Variants in ESR1 observed in about 807,000 individuals in gnomAD.
ESR1 encodes the protein estrogen receptor.
In ESR1, 12 loss-of-function variants were observed where a neutral mutation model predicts 52.7. That is an observed-to-expected ratio of 0.23 (90% CI 0.15 to 0.37). ESR1 has a LOEUF of 0.37. ESR1 is among the 10% of genes least tolerant of loss of function. ESR1 has a pLI of 1.00. For missense variants in ESR1, 584 were observed against 779.7 expected, an observed-to-expected ratio of 0.75 and a Z score of 2.99; for synonymous variants, 305 against 316.8, an observed-to-expected ratio of 0.96 and a Z score of 0.39.
chr6:151,722,324 A>G (rs1781517915), intron 2 of ESR1, among the ~76,000 whole-genome samples: 1 of 152,220 alleles, frequency 6.6e-6, no homozygotes, highest in Non-Finnish European at 1.5e-5. Context: ...GTCCTTGAAC[A>G]GGGAAGAAAC....
chr6:151,799,126 A>G (rs1776987293), intron 2 of ESR1, among the ~76,000 whole-genome samples: 2 of 152,222 alleles, frequency 1.3e-5, no homozygotes, highest in African/African-American at 4.8e-5. Flanking sequence ...AGCAAGGCCC[A>G]CACTAAAAGT....
intron 3 of ESR1, among the ~76,000 whole-genome samples, chr6:151,888,611 A>C (rs944166342): frequency 1.0e-4 from 15 of 149,630 alleles, no homozygotes; most frequent in African/African-American, 3.4e-4. Context: ...TCATGTCATC[A>C]GCAAACACGG....
intron 2 of ESR1, among the ~76,000 whole-genome samples, chr6:151,751,914 C>T (rs955186607): frequency 6.6e-6 from 1 of 152,096 alleles, no homozygotes; most frequent in Non-Finnish European, 1.5e-5. Context: ...GATACATTAC[C>T]GAAATATTTT....
chr6:151,876,950 G>A (rs1463612333), intron 2 of ESR1, among the ~76,000 whole-genome samples: 2 of 151,026 alleles, frequency 1.3e-5, no homozygotes, highest in Non-Finnish European at 2.9e-5. Flanking sequence ...CATACATCGA[G>A]TCCTGTCTTT....
At chr6:152,072,056 A>T (rs894948593) in intron 6 of ESR1, among the ~76,000 whole-genome samples, 13 of 150,292 alleles carry the variant, frequency 8.6e-5, no homozygotes, top group African/African-American at 2.7e-4. Flanking sequence ...GAGACAGAGG[A>T]GAGTTATGGA....
At chr6:152,011,571 T>C in intron 4 of ESR1, 85 bp from the exon 5 acceptor site, 1 of 1,490,828 alleles carries the variant, frequency 6.7e-7, no homozygotes, top group Admixed American at 1.7e-5. Context: ...ATAGACCTTG[T>C]CAGTTCAAAT....
At chr6:151,818,208 G>A (rs778380454) in intron 1 of ESR1, among the ~76,000 whole-genome samples, 9 of 152,236 alleles carry the variant, frequency 5.9e-5, no homozygotes, top group East Asian at 1.9e-4. Flanking sequence ...CCTCAAGCCC[G>A]CTCATTTCCT....
chr6:151,822,973 G>C (rs989188878), intron 1 of ESR1, among the ~76,000 whole-genome samples: 2 of 152,194 alleles, frequency 1.3e-5, no homozygotes, highest in Non-Finnish European at 2.9e-5. Flanking sequence ...ATTGTGGCCA[G>C]ATTCATGCAT....
Position 152,119,777 on chromosome 6 carries a change from C to T in ESR1, c.851-5489C>T, listed in dbSNP as rs370960034. The stretch of plus-strand genomic sequence containing the variant: ...TTTTTCTCTCTGTTGCCAGAGCAAC[C>T]GCTGGGTGCGGGTGAGGATGCTCAT... On this transcript the variant is annotated intron_variant, in intron 6 of 6. Transcript: ENST00000427531. Among the ~76,000 whole-genome samples, 11 of 152,334 alleles carry T rather than the reference C, an allele frequency of 7.2e-5. No homozygotes were observed. The East Asian group carries it at 7.7e-4, about 11-fold the overall frequency.
chr6:151,961,755 A>AGTTGT lies in ESR1; in HGVS notation c.1096+17249_1096+17253dup, dbSNP rs200107740. On this transcript the variant is annotated intron_variant, in intron 4 of 7. Coordinates refer to ENST00000206249, the MANE Select transcript of ESR1 (RefSeq NM_000125.4). ...TGTGAGAGGTCAAAGCGGCAAGAGT[A>AGTTGT]GTTGTGCCACAGTCTTTTAGGAGAG... Among the ~76,000 whole-genome samples, 1,042 of 152,294 alleles carry AGTTGT rather than the reference A, an allele frequency of 6.8e-3. 16 individuals are homozygous for AGTTGT. Among genetic ancestry groups the AGTTGT allele is most frequent in the South Asian group, 0.066 (317 of 4,822 alleles).
intron 5 of ESR1, among the ~76,000 whole-genome samples, chr6:152,036,269 A>T (rs753050904): frequency 2.6e-5 from 4 of 152,154 alleles, no homozygotes; most frequent in Non-Finnish European, 5.9e-5. Context: ...CTGAGGCAGG[A>T]GAATGGTGTG....
chr6:151,679,425 C>T (rs1417940106), intron 1 of ESR1, among the ~76,000 whole-genome samples: 1 of 152,180 alleles, frequency 6.6e-6, no homozygotes, highest in Non-Finnish European at 1.5e-5. Context: ...TCTCGGCTCA[C>T]CGCAACCTCC....
At chr6:152,012,017 T>TACACACACACACACACACACAC (rs141508452) in intron 5 of ESR1, among the ~76,000 whole-genome samples, 5 of 141,702 alleles carry the variant, frequency 3.5e-5, no homozygotes, top group South Asian at 2.4e-4. Context: ...TTATTTCTAA[T>TACACACACACACACACACACAC]ACACACACAC....
intron 1 of ESR1, among the ~76,000 whole-genome samples, chr6:151,810,589 C>T (rs1195073908): frequency 3.3e-5 from 5 of 152,120 alleles, no homozygotes; most frequent in Non-Finnish European, 5.9e-5. Context: ...GCAGTGTTTT[C>T]AAACTGCTTG....
At chr6:151,877,044 T>C (rs1198039014) in intron 2 of ESR1, among the ~76,000 whole-genome samples, 2 of 152,060 alleles carry the variant, frequency 1.3e-5, no homozygotes, top group South Asian at 2.1e-4. Flanking sequence ...AAATCAACTC[T>C]ACTTCAGTAA....
chr6:151,774,625 G>A (rs1035819543), intron 2 of ESR1, among the ~76,000 whole-genome samples: 1 of 152,194 alleles, frequency 6.6e-6, no homozygotes, highest in Non-Finnish European at 1.5e-5. Context: ...AGAAGTCTAG[G>A]ATGATCACAG....
intron 3 of ESR1, among the ~76,000 whole-genome samples, chr6:151,943,756 T>C (rs2128523681): frequency 6.6e-6 from 1 of 152,356 alleles, no homozygotes. Flanking sequence ...TAAATTCTAT[T>C]TTAAGAATAA....
At chr6:151,909,581 C>A (rs1797955341) in intron 3 of ESR1, among the ~76,000 whole-genome samples, 1 of 152,158 alleles carries the variant, frequency 6.6e-6, no homozygotes, top group Non-Finnish European at 1.5e-5. Context: ...GATGGGACAC[C>A]TTCCATCAGG....
intron 3 of ESR1, among the ~76,000 whole-genome samples, chr6:151,940,092 G>A (rs374807167): frequency 3.3e-5 from 5 of 152,122 alleles, no homozygotes; most frequent in South Asian, 4.1e-4. Context: ...GGCTGGGGAG[G>A]CCTCACAGTC....
Sources: gnomAD v4.1 joint callset for allele counts (sites outside exome capture counted in the v4.1 genomes callset) on GRCh38, gnomAD v4.1.1 for gene constraint, MANE v1.5 for transcripts, NCBI Gene and HGNC (gene_info 2026-07-23, HGNC 2026-07-21) for gene names.